The following CSMD1 variants were observed in gnomAD, a reference collection of about 807,000 sequenced individuals.
CSMD1 encodes the protein CUB and sushi domain-containing protein 1.
CSMD1 carries 213 observed loss-of-function variants against 417.5 expected under a neutral mutation model. That is an observed-to-expected ratio of 0.51 (90% confidence interval 0.46 to 0.57). The LOEUF is 0.57. Among genes scored for constraint, CSMD1 ranks in the 20% least tolerant of loss-of-function variants. The pLI, the probability that CSMD1 is intolerant of heterozygous loss-of-function variation, is 0.00. For synonymous variants in CSMD1, 2,862 were observed against 1,736.8 expected (o/e 1.65, Z -16.11); for missense variants, 6,923 against 4,529.7 (o/e 1.53, Z -15.17).
chr8:4,170,921 A>T (rs561413947), intron 3 of CSMD1, among the ~76,000 whole-genome samples: 1 of 151,810 alleles, frequency 6.6e-6, no homozygotes, highest in African/African-American at 2.4e-5. Flanking sequence ...ACTTATTCCA[A>T]TGCCTGTACA....
chr8:4,964,974 C>A (rs960122421), intron 1 of CSMD1, among the ~76,000 whole-genome samples: 7 of 152,114 alleles, frequency 4.6e-5, no homozygotes, highest in South Asian at 2.1e-4. Flanking sequence ...CTATTGATTC[C>A]TTTTGCTTTG....
intron 1 of CSMD1, among the ~76,000 whole-genome samples, chr8:4,674,561 A>G (rs1328254059): frequency 1.3e-5 from 2 of 152,180 alleles, no homozygotes; most frequent in Non-Finnish European, 2.9e-5. Flanking sequence ...TATTGAACAA[A>G]GATGTACCAC....
intron 1 of CSMD1, among the ~76,000 whole-genome samples, chr8:4,790,907 T>C (rs1191021416): frequency 6.6e-6 from 1 of 152,190 alleles, no homozygotes; most frequent in Non-Finnish European, 1.5e-5. Context: ...AATACCATTT[T>C]GGACCTAGGC....
chr8:3,937,654 T>C (rs893149195), intron 5 of CSMD1, among the ~76,000 whole-genome samples: 2 of 152,142 alleles, frequency 1.3e-5, no homozygotes, highest in Admixed American at 6.6e-5. Context: ...AAGCCAAACT[T>C]GCAATATCTC....
chr8:3,455,924 G>A (rs543056188), intron 12 of CSMD1, among the ~76,000 whole-genome samples: 2 of 152,220 alleles, frequency 1.3e-5, no homozygotes, highest in Non-Finnish European at 2.9e-5. Flanking sequence ...GTCTACAGAG[G>A]CAGGCAGGCC....
chr8:4,136,792 A>G lies in CSMD1; in HGVS notation c.416-104693T>C, dbSNP rs143077183. On this transcript the variant is annotated intron_variant, in intron 3 of 69. Coordinates refer to ENST00000635120, the MANE Select transcript of CSMD1 (RefSeq NM_033225.6). The stretch of plus-strand genomic sequence containing the variant: ...TATAATGATTAGTTTGTTGGACTCA[A>G]TAATTTGTAAGATTGTGAAGGGATC... Among the ~76,000 whole-genome samples the G allele has an allele frequency of 5.9e-5, 9 of 152,314 alleles. No individual in the cohort carries two copies. In the East Asian group the frequency reaches 1.7e-3, roughly 29 times the overall value.
chr8:4,608,455 C>A (rs1800997839), intron 2 of CSMD1, among the ~76,000 whole-genome samples: 1 of 152,074 alleles, frequency 6.6e-6, no homozygotes, highest in Admixed American at 6.6e-5. Context: ...GTGGATTGAA[C>A]GTGGAGGAGG....
At chr8:4,491,608 A>G (rs561088486) in intron 2 of CSMD1, among the ~76,000 whole-genome samples, 2 of 152,316 alleles carry the variant, frequency 1.3e-5, no homozygotes, top group East Asian at 1.9e-4. Context: ...ATGAAAAAAG[A>G]TACAAGGAGA....
intron 68 of CSMD1, among the ~76,000 whole-genome samples, chr8:2,944,655 C>T (rs1802096843): frequency 6.6e-6 from 1 of 151,918 alleles, no homozygotes; most frequent in Non-Finnish European, 1.5e-5. Context: ...GCAATAAAAC[C>T]TAGAACACAG....
chr8:3,334,099 C>G (rs1404544068), intron 23 of CSMD1, among the ~76,000 whole-genome samples: 3 of 152,196 alleles, frequency 2.0e-5, no homozygotes, highest in Admixed American at 2.0e-4. Context: ...GAGACGCACA[C>G]AGAGTGTCTA....
At chr8:3,224,647 T>C (rs1395054139) in intron 27 of CSMD1, among the ~76,000 whole-genome samples, 1 of 152,232 alleles carries the variant, frequency 6.6e-6, no homozygotes, top group Non-Finnish European at 1.5e-5. Context: ...AACCACTTTA[T>C]ATGATAATAA....
At position 4,910,251 on chromosome 8, in the gene CSMD1, A is replaced by G. The variant is rs10216553; in HGVS notation, c.85+84081T>C. Among the ~76,000 whole-genome samples the G allele has an allele frequency of 9.7e-3, 1,475 of 152,132 alleles. 17 individuals are homozygous for G. Among genetic ancestry groups the G allele is most frequent in the African/African-American group, 0.02 (834 of 41,396 alleles). ...GGGAAATGTGACTATTTACACTTCC[A>G]TTGTATTATCTCATCACAGTGAACA... On this transcript the variant is annotated intron_variant, in intron 1 of 69. Coordinates refer to ENST00000635120, the MANE Select transcript of CSMD1 (RefSeq NM_033225.6).
At chr8:3,924,378 C>G (rs989096077) in intron 5 of CSMD1, among the ~76,000 whole-genome samples, 1 of 152,130 alleles carries the variant, frequency 6.6e-6, no homozygotes, top group Non-Finnish European at 1.5e-5. Context: ...GCATTTAATT[C>G]ATTGGGCTTC....
intron 3 of CSMD1, among the ~76,000 whole-genome samples, chr8:4,138,729 A>T (rs1181516392): frequency 6.6e-6 from 1 of 152,206 alleles, no homozygotes; most frequent in African/African-American, 2.4e-5. Context: ...TGCCAATTTA[A>T]CTAGAGGAAA....
At chr8:3,494,671 G>A (rs558965759) in intron 10 of CSMD1, among the ~76,000 whole-genome samples, 5 of 132,394 alleles carry the variant, frequency 3.8e-5, no homozygotes, top group East Asian at 2.2e-4. Flanking sequence ...AATGACAGAC[G>A]ATACACAGAT....
chr8:3,435,545 T>A (rs11776630), intron 12 of CSMD1, among the ~76,000 whole-genome samples: 12,450 of 152,190 alleles, frequency 0.082, 632 homozygotes, highest in Middle Eastern at 0.19. Flanking sequence ...CCTCTCCGCC[T>A]GCATGGAGAC....
Position 4,434,548 on chromosome 8 carries a change from T to C in CSMD1, c.303-14483A>G, listed in dbSNP as rs552506466. On this transcript the variant is annotated intron_variant, in intron 2 of 69. Transcript: ENST00000635120. ...TGAAGCACTTAAGAGCAGCCCAACA[T>C]TGACTAAAACACAATAGAGGAGGAG... 4.5e-4 allele frequency among the ~76,000 whole-genome samples: 68 copies of C among 152,214 alleles called. 2 individuals are homozygous for C. Among genetic ancestry groups the C allele is most frequent in the Admixed American group, 1.2e-3 (18 of 15,286 alleles).
chr8:4,524,059 T>C (rs973713878), intron 2 of CSMD1, among the ~76,000 whole-genome samples: 2 of 152,126 alleles, frequency 1.3e-5, no homozygotes, highest in Non-Finnish European at 2.9e-5. Flanking sequence ...CTCCCTGTGT[T>C]TTTTAGAATG....
intron 3 of CSMD1, among the ~76,000 whole-genome samples, chr8:4,328,827 A>G (rs1799703943): frequency 6.6e-6 from 1 of 152,242 alleles, no homozygotes. Flanking sequence ...CTGTGGTTTT[A>G]GAAGCTTAAG....
Sources: allele counts gnomAD v4.1 joint callset (sites outside exome capture counted in the v4.1 genomes callset), GRCh38; gene constraint gnomAD v4.1.1; transcripts MANE v1.5; gene names NCBI Gene and HGNC (gene_info 2026-07-23, HGNC 2026-07-21).